Variants in NFXL1 observed in about 807,000 individuals in gnomAD.
NFXL1 encodes NF-X1-type zinc finger protein NFXL1.
In NFXL1, 66 loss-of-function variants were observed where a neutral mutation model predicts 123.3. The observed-to-expected ratio is 0.54, with a 90% CI of 0.44 to 0.66. NFXL1 has a LOEUF of 0.66. Among genes scored for constraint, NFXL1 ranks in the 30% least tolerant of loss-of-function variants. NFXL1 has a pLI of 0.00. For synonymous variants in NFXL1, 346 were observed against 360.8 expected (o/e 0.96, Z 0.46); for missense variants, 944 against 1,125.6 (o/e 0.84, Z 2.31).
rs1249709889 is a variant in NFXL1, at chr4:47,890,650, T to C, written c.1506A>G (p.Gly502=). ...CAGATGGACACTTATGGTTTCTACA[T>C]CCTAAAGTCCGTCCACAGTTTTGAT... ...PCDQNCGRTL[G]CRNHKCPSVC... Residue 502 remains glycine (G), a synonymous_variant, in exon 12 of 23, where the codon GGA becomes GGG. Transcript: ENST00000507489. 6.2e-6 allele frequency: 10 copies of C among 1,610,188 alleles called. No homozygotes were observed. The highest frequency in any genetic ancestry group is 8.5e-6 in the Non-Finnish European group (10 of 1,176,674).
At chr4:47,912,828 C>CT (rs1737904522) in intron 2 of NFXL1, among the ~76,000 whole-genome samples, 1 of 142,680 alleles carries the variant, frequency 7.0e-6, no homozygotes, top group African/African-American at 2.6e-5. Context: ...CCCGTCTCTA[C>CT]TAAAAAAAAA....
Position 47,905,291 on chromosome 4 carries a change from T to C in NFXL1, c.462A>G (p.Gln154=). The part of the protein sequence containing the change: ...RTKQYVNEAF[Q]AGAMTCLICI... ...AAATTAGGCATGTCATAGCCCCTGC[T>C]TGAAAAGCTTCATTTACATATTGTT... The change falls in exon 4 of 23, where the codon CAA becomes CAG. Residue 154 remains glutamine, a synonymous_variant. Transcript: ENST00000507489. 2 of 1,602,734 alleles carry C rather than the reference T, an allele frequency of 1.2e-6. No homozygotes were observed. The highest frequency in any genetic ancestry group is 1.7e-6 in the Non-Finnish European group (2 of 1,170,666).
chr4:47,888,267 C>A (rs190021353), intron 12 of NFXL1, among the ~76,000 whole-genome samples: 1 of 152,106 alleles, frequency 6.6e-6, no homozygotes, highest in Admixed American at 6.6e-5. Context: ...AGAGAGACTC[C>A]GTCTCAAAGA....
At chr4:47,851,991 C>A (rs1734145107) in intron 20 of NFXL1, 49 bp from the exon 21 acceptor site, 3 of 1,314,040 alleles carry the variant, frequency 2.3e-6, no homozygotes, top group Non-Finnish European at 3.3e-6. Flanking sequence ...CCCTCAAAGA[C>A]CTGTCTGCCA....
intron 12 of NFXL1, among the ~76,000 whole-genome samples, chr4:47,889,163 T>C (rs1468874914): frequency 6.6e-6 from 1 of 152,210 alleles, no homozygotes; most frequent in Admixed American, 6.5e-5. Flanking sequence ...TCATTCCTCC[T>C]TTGGTCTTTT....
chr4:47,865,319 G>GA (rs904759409), intron 18 of NFXL1, among the ~76,000 whole-genome samples: 1 of 151,730 alleles, frequency 6.6e-6, no homozygotes, highest in Non-Finnish European at 1.5e-5. Flanking sequence ...ATGTATTTAA[G>GA]AAAAAAAATC....
intron 18 of NFXL1, among the ~76,000 whole-genome samples, chr4:47,869,018 T>C (rs1735272670): frequency 1.3e-5 from 2 of 152,122 alleles, no homozygotes; most frequent in South Asian, 4.1e-4. Flanking sequence ...CCCAGGTGTT[T>C]TGAGACCAAC....
intron 19 of NFXL1, 144 bp downstream of exon 19, chr4:47,862,702 T>C (rs1734837110): frequency 1.5e-6 from 1 of 676,666 alleles, no homozygotes. Context: ...ATGAGATGCA[T>C]CTACCCTAAC....
At chr4:47,868,440 G>A (rs1380119665) in intron 18 of NFXL1, among the ~76,000 whole-genome samples, 3 of 93,694 alleles carry the variant, frequency 3.2e-5, no homozygotes, top group African/African-American at 1.1e-4. Flanking sequence ...AAGAGAAGGA[G>A]AGAAAAAAAG....
intron 16 of NFXL1, 49 bp from the exon 17 acceptor site, chr4:47,878,714 T>C (rs1201995168): frequency 7.3e-7 from 1 of 1,368,642 alleles, no homozygotes; most frequent in Non-Finnish European, 9.6e-7. Context: ...CAAACGTTTC[T>C]GGACATATTA....
intron 18 of NFXL1, among the ~76,000 whole-genome samples, chr4:47,866,378 T>C (rs564409001): frequency 2.6e-5 from 4 of 152,306 alleles, no homozygotes; most frequent in Admixed American, 1.3e-4. Context: ...AAATTGTATT[T>C]TCCCACACTG....
chr4:47,861,939 C>G (rs962075528), intron 19 of NFXL1, among the ~76,000 whole-genome samples: 3 of 152,088 alleles, frequency 2.0e-5, no homozygotes, highest in African/African-American at 7.2e-5. Flanking sequence ...CTATTTCTGA[C>G]TCTAAATAAG....
chr4:47,897,747 A>ATC (rs200025789), intron 9 of NFXL1, among the ~76,000 whole-genome samples: 2 of 151,330 alleles, frequency 1.3e-5, no homozygotes, highest in East Asian at 1.9e-4. Context: ...TCTCCTATTC[A>ATC]TCTCTCTCTC....
At chr4:47,891,070 G>C (rs941612090) in intron 11 of NFXL1, among the ~76,000 whole-genome samples, 1 of 150,788 alleles carries the variant, frequency 6.6e-6, no homozygotes, top group African/African-American at 2.4e-5. Flanking sequence ...CAAATTCAAC[G>C]TATAGATTCA....
At chr4:47,848,454 A>G in intron 22 of NFXL1, 118 bp from the exon 23 acceptor site, 1 of 726,318 alleles carries the variant, frequency 1.4e-6, no homozygotes, top group Non-Finnish European at 2.2e-6. Flanking sequence ...TAGTCAATAT[A>G]TTGATTTGAT....
rs145160684 is a variant in NFXL1, at chr4:47,864,750, G to A, written c.2247-1835C>T. ...GCATGCAAATGGTGGGGCAGGGGTAGGAATGGAATCACCATACCCCTTCTT... is the reference window on the plus strand; with the variant it reads ...GCATGCAAATGGTGGGGCAGGGGTAAGAATGGAATCACCATACCCCTTCTT... On this transcript the variant is annotated intron_variant, in intron 18 of 22. Transcript: ENST00000507489. Among the ~76,000 whole-genome samples, 706 of 152,256 alleles carry A rather than the reference G, an allele frequency of 4.6e-3. 4 individuals carry two copies. The highest frequency in any genetic ancestry group is 7.1e-3 in the Non-Finnish European group (481 of 68,010).
At chr4:47,865,948 C>A (rs1391730319) in intron 18 of NFXL1, among the ~76,000 whole-genome samples, 1 of 152,022 alleles carries the variant, frequency 6.6e-6, no homozygotes, top group Non-Finnish European at 1.5e-5. Context: ...CCTGGGAGGT[C>A]AAGGCTGCAG....
chr4:47,850,883 A>C (rs1306004526), intron 22 of NFXL1, among the ~76,000 whole-genome samples: 1 of 152,110 alleles, frequency 6.6e-6, no homozygotes, highest in Non-Finnish European at 1.5e-5. Context: ...ACAAAAAAAA[A>C]ATTTGGGAAT....
rs1261009861 is a variant in NFXL1 at position 47,851,933 on chromosome 4, A to T, written c.2431T>A (p.Cys811Ser). The change falls in exon 21 of 23, where the codon TGC (cysteine) becomes AGC (serine). Residue 811 changes from cysteine to serine, a missense_variant. This residue lies in a region of NFXL1 where 301 missense variants were observed against 348.0 expected (regional missense o/e 0.86). Transcript: ENST00000507489. ...PCKRIKKELQ[C>S]NKVRENQVSI... Reference sequence around the variant, plus strand: ...ACCTGATTTTCACGTACTTTGTTGCACTGCAATTCCTACAAACAACCCGAT... The same window carrying T: ...ACCTGATTTTCACGTACTTTGTTGCTCTGCAATTCCTACAAACAACCCGAT... 6.2e-7 allele frequency: 1 copy of T among 1,607,180 alleles called. No homozygotes were observed. The highest frequency in any genetic ancestry group is 1.7e-5 in the Admixed American group (1 of 59,792).
Sources: allele counts gnomAD v4.1 joint callset (sites outside exome capture counted in the v4.1 genomes callset), GRCh38; gene constraint gnomAD v4.1.1; regional missense constraint gnomAD v4.1.1; transcripts MANE v1.5; gene names NCBI Gene and HGNC (gene_info 2026-07-23, HGNC 2026-07-21).